The following SORCS2 variants were observed in gnomAD, a reference collection of about 807,000 sequenced individuals.
SORCS2 encodes VPS10 domain-containing receptor SorCS2.
A neutral mutation model predicts 141.6 loss-of-function variants in SORCS2; 100 were observed. The ratio of observed to expected loss-of-function variants is 0.71; its 90% CI spans 0.60 to 0.83. SORCS2 has a LOEUF of 0.83. Ranked by LOEUF, SORCS2 falls within the 40% of genes least tolerant of loss-of-function variation. SORCS2 has a pLI of 0.00. For missense variants in SORCS2, 1,646 were observed against 1,560.2 expected (o/e 1.05, Z -0.93); for synonymous variants, 789 against 676.9 (o/e 1.17, Z -2.57).
intron 11 of SORCS2, among the ~76,000 whole-genome samples, chr4:7,694,823 C>T (rs1724491894): frequency 6.6e-6 from 1 of 152,190 alleles, no homozygotes; most frequent in Non-Finnish European, 1.5e-5. Flanking sequence ...CCCGGGTCCA[C>T]ATTTCTGCCC....
chr4:7,484,556 G>T (rs1730855459), intron 2 of SORCS2, among the ~76,000 whole-genome samples: 1 of 152,280 alleles, frequency 6.6e-6, no homozygotes, highest in East Asian at 1.9e-4. Flanking sequence ...TGGGCAGAAG[G>T]TGCTGACTCC....
intron 2 of SORCS2, among the ~76,000 whole-genome samples, chr4:7,495,070 G>A (rs972925998): frequency 2.0e-5 from 3 of 152,348 alleles, no homozygotes; most frequent in Admixed American, 6.5e-5. Flanking sequence ...GCCCTGCGAC[G>A]TCGAAATGGA....
At chr4:7,659,194 G>A (rs1721993884) in intron 5 of SORCS2, among the ~76,000 whole-genome samples, 1 of 152,078 alleles carries the variant, frequency 6.6e-6, no homozygotes, top group East Asian at 1.9e-4. Flanking sequence ...GTGGGCACAT[G>A]GAGATGGTGA....
intron 3 of SORCS2, among the ~76,000 whole-genome samples, chr4:7,546,481 C>T (rs1273670083): frequency 6.6e-6 from 1 of 152,108 alleles, no homozygotes; most frequent in Non-Finnish European, 1.5e-5. Context: ...AGTGAGGAAT[C>T]CCCAGCTGTC....
intron 2 of SORCS2, among the ~76,000 whole-genome samples, chr4:7,436,455 C>A (rs61513418): frequency 6.6e-6 from 1 of 152,188 alleles, no homozygotes; most frequent in African/African-American, 2.4e-5. Flanking sequence ...AGACTTCCTG[C>A]GAGTCTCTTG....
intron 12 of SORCS2, among the ~76,000 whole-genome samples, chr4:7,698,099 G>T (rs1380816149): frequency 6.6e-6 from 1 of 152,192 alleles, no homozygotes; most frequent in Non-Finnish European, 1.5e-5. Flanking sequence ...CACCCCAGGA[G>T]GGGGCACCGC....
chr4:7,205,700 A>G (rs1321060192), intron 1 of SORCS2, among the ~76,000 whole-genome samples: 3 of 152,238 alleles, frequency 2.0e-5, no homozygotes, highest in Non-Finnish European at 4.4e-5. Context: ...ATCCAAGTTC[A>G]TGGGTTCCTG....
intron 1 of SORCS2, among the ~76,000 whole-genome samples, chr4:7,267,798 C>T (rs1714850206): frequency 6.6e-6 from 1 of 152,232 alleles, no homozygotes; most frequent in South Asian, 2.1e-4. Flanking sequence ...CGCCACTGCA[C>T]TCCAGCCTGG....
In SORCS2 at chr4:7,701,224, G is replaced by T. The variant is rs566659361; in HGVS notation, c.1669-2056G>T. ...GGGGAAGAGGGAGAGAAGGGGGAAG[G>T]GAGGGAGAGAGAGAAAAAAGGAGAG... On this transcript the variant is annotated intron_variant, in intron 12 of 26. Coordinates refer to ENST00000507866, the MANE Select transcript of SORCS2 (RefSeq NM_020777.3). Among the ~76,000 whole-genome samples the T allele has an allele frequency of 3.3e-5, 5 of 151,952 alleles. No homozygotes were observed. The South Asian group carries it at 8.3e-4, about 25-fold the overall frequency.
At chr4:7,565,743 T>C (rs1369529596) in intron 3 of SORCS2, among the ~76,000 whole-genome samples, 1 of 151,004 alleles carries the variant, frequency 6.6e-6, no homozygotes, top group African/African-American at 2.4e-5. Context: ...ATGATGATGA[T>C]GTGAAAGTGA....
intron 1 of SORCS2, among the ~76,000 whole-genome samples, chr4:7,321,309 G>C (rs1718880648): frequency 6.6e-6 from 1 of 152,116 alleles, no homozygotes; most frequent in African/African-American, 2.4e-5. Context: ...ATTCCATGGT[G>C]TATGTATACC....
chr4:7,668,934 G>C (rs1297074038), intron 8 of SORCS2, among the ~76,000 whole-genome samples: 1 of 152,054 alleles, frequency 6.6e-6, no homozygotes, highest in Non-Finnish European at 1.5e-5. Context: ...TTGGAGGCTG[G>C]GGTAGCTGGG....
intron 9 of SORCS2, among the ~76,000 whole-genome samples, chr4:7,677,304 C>G (rs1481007405): frequency 6.6e-6 from 1 of 152,228 alleles, no homozygotes; most frequent in African/African-American, 2.4e-5. Flanking sequence ...CCTGCAGCAG[C>G]CCCGCCCCGG....
chr4:7,676,953 C>T (rs1316256514), intron 9 of SORCS2, among the ~76,000 whole-genome samples: 1 of 20,652 alleles, frequency 4.8e-5, no homozygotes, highest in Non-Finnish European at 1.1e-4. Context: ...TCTCCCTCTG[C>T]CTTCCTCTCT....
At chr4:7,388,301 G>A (rs1176401166) in intron 1 of SORCS2, among the ~76,000 whole-genome samples, 1 of 152,178 alleles carries the variant, frequency 6.6e-6, no homozygotes, top group African/African-American at 2.4e-5. Context: ...ATCCCCTCTG[G>A]CTGCTCTTGG....
chr4:7,638,533 G>C lies in SORCS2; in HGVS notation c.813+41G>C, dbSNP rs756751353. 6.4e-6 allele frequency: 10 copies of C among 1,573,456 alleles called. No homozygotes were observed. In the African/African-American group the frequency reaches 1.4e-4, roughly 22 times the overall value. On this transcript the variant is annotated intron_variant, in intron 4 of 26. Coordinates refer to ENST00000507866, the MANE Select transcript of SORCS2 (RefSeq NM_020777.3). Reference sequence around the variant, plus strand: ...GCCAGTCGCCTGGTCTGTGGGGCTGGGGTCTGCTCGACCCACCTGGAGGTG... The same window carrying C: ...GCCAGTCGCCTGGTCTGTGGGGCTGCGGTCTGCTCGACCCACCTGGAGGTG...
At chr4:7,544,141 C>T (rs1413305849) in intron 3 of SORCS2, among the ~76,000 whole-genome samples, 1 of 152,022 alleles carries the variant, frequency 6.6e-6, no homozygotes, top group Non-Finnish European at 1.5e-5. Flanking sequence ...TGCATCTACC[C>T]ATCTGCCCAT....
intron 3 of SORCS2, among the ~76,000 whole-genome samples, chr4:7,605,289 A>G (rs1319027712): frequency 6.6e-6 from 1 of 151,928 alleles, no homozygotes; most frequent in African/African-American, 2.4e-5. Context: ...TTCACACAGA[A>G]CTCCTGCTTG....
intron 2 of SORCS2, among the ~76,000 whole-genome samples, chr4:7,516,799 C>G (rs981524136): frequency 6.6e-6 from 1 of 152,212 alleles, no homozygotes; most frequent in Non-Finnish European, 1.5e-5. Flanking sequence ...AATTGTCACT[C>G]TCATCCACGT....
Sources: gnomAD v4.1 joint callset for allele counts (sites outside exome capture counted in the v4.1 genomes callset) on GRCh38, gnomAD v4.1.1 for gene constraint, MANE v1.5 for transcripts, NCBI Gene and HGNC (gene_info 2026-07-23, HGNC 2026-07-21) for gene names.